PRKDC: variants seen among roughly 807,000 people sequenced by gnomAD.
PRKDC encodes DNA-dependent protein kinase catalytic subunit.
PRKDC carries 82 observed loss-of-function variants against 486.9 expected under a neutral mutation model. The ratio of observed to expected loss-of-function variants is 0.17; its 90% CI spans 0.14 to 0.20. The LOEUF (loss-of-function observed/expected upper bound fraction) is 0.20, where lower values mean the gene tolerates loss of function less well. Among genes scored for constraint, PRKDC ranks in the 10% least tolerant of loss-of-function variants. The probability of loss-of-function intolerance (pLI) is 1.00; values close to 1 mark genes in which losing one functional copy is unlikely to be tolerated. For missense variants in PRKDC, 4,504 were observed against 5,038.2 expected (o/e 0.89, Z 3.21); for synonymous variants, 1,895 against 1,837.0 (o/e 1.03, Z -0.81).
intron 66 of PRKDC, among the ~76,000 whole-genome samples, chr8:47,819,948 GTTA>G (rs932143658): frequency 6.6e-6 from 1 of 152,174 alleles, no homozygotes; most frequent in Non-Finnish European, 1.5e-5. Context: ...TATACTAAAT[GTTA>G]TTAATAAACT....
At chr8:47,948,466 T>G (rs1322116653) in intron 7 of PRKDC, among the ~76,000 whole-genome samples, 2 of 147,378 alleles carry the variant, frequency 1.4e-5, no homozygotes, top group Non-Finnish European at 3.0e-5. Flanking sequence ...CCTTGTTTTT[T>G]TTTTTTTTTT....
At chr8:47,921,542 T>A (rs1293785518) in intron 21 of PRKDC, among the ~76,000 whole-genome samples, 1 of 152,144 alleles carries the variant, frequency 6.6e-6, no homozygotes, top group Non-Finnish European at 1.5e-5. Context: ...TTTTTGCTTT[T>A]ATAGGCCGTT....
At chr8:47,798,446 C>T (rs1344437590) in intron 72 of PRKDC, 49 bp from the exon 73 acceptor site, 3 of 1,492,464 alleles carry the variant, frequency 2.0e-6, no homozygotes, top group Non-Finnish European at 1.8e-6. Flanking sequence ...ATCCCAATAT[C>T]CATAAACTAT....
At position 47,858,523 on chromosome 8, in the gene PRKDC, G is replaced by A. The variant is rs961845104; in HGVS notation, c.6458C>T (p.Thr2153Ile). The A allele has an allele frequency of 2.0e-6, 3 of 1,502,270 alleles. No homozygotes were observed. In the African/African-American group the frequency reaches 4.2e-5, roughly 21 times the overall value. 93.1% of individuals were successfully genotyped at this position (1,502,270 alleles called of 1,614,324 possible). A position where few individuals can be genotyped will look rare whatever the true frequency, so the allele number is the denominator to read the frequency against. ...AAATAATCAATTACTTACCTCTTCT[G>A]TATTAATAACAAGCTTGGCTAAGAA... is the stretch of plus-strand genomic sequence containing the variant. Reference protein sequence around the residue: ...RLFLAKLVINTEEVFRPYAKH... With the variant: ...RLFLAKLVINIEEVFRPYAKH... Residue 2153 changes from threonine (T) to isoleucine (I), a missense_variant, in exon 48 of 86, where the codon ACA becomes ATA. Transcript: ENST00000314191.
rs763816244 is a variant in PRKDC, at chr8:47,893,089, GGT to G, written c.3847+48_3847+49del. ...CTGACCTGGCAGAGCCACTGCCCAGGGTGACTCTGGCAGCACGACACACACCA... is the reference window on the plus strand; with the variant it reads ...CTGACCTGGCAGAGCCACTGCCCAGGGACTCTGGCAGCACGACACACACCA... On this transcript the variant is annotated intron_variant, in intron 31 of 85. Coordinates refer to ENST00000314191, the MANE Select transcript of PRKDC (RefSeq NM_006904.7). 20 of 1,508,930 alleles carry G rather than the reference GGT, an allele frequency of 1.3e-5. No homozygotes were observed. The African/African-American group carries it at 2.8e-4, about 21-fold the overall frequency. The allele number at this position is 1,508,930 out of a possible 1,614,324, so 93.5% of individuals were successfully genotyped here.
intron 73 of PRKDC, among the ~76,000 whole-genome samples, chr8:47,795,411 A>C (rs1200124437): frequency 6.6e-6 from 1 of 150,490 alleles, no homozygotes; most frequent in Non-Finnish European, 1.5e-5. Flanking sequence ...GGATGGTCTC[A>C]ATCTCGTGAC....
At chr8:47,838,392 G>A (rs1335791484) in intron 56 of PRKDC, among the ~76,000 whole-genome samples, 2 of 152,168 alleles carry the variant, frequency 1.3e-5, no homozygotes, top group Non-Finnish European at 2.9e-5. Flanking sequence ...AAGTCAGGAG[G>A]ATTGAGGCCA....
chr8:47,784,899 T>C (rs953870418), intron 77 of PRKDC, among the ~76,000 whole-genome samples: 8 of 152,202 alleles, frequency 5.3e-5, no homozygotes, highest in African/African-American at 1.9e-4. Flanking sequence ...GAATCAGAAA[T>C]ATAAGAACTA....
intron 61 of PRKDC, among the ~76,000 whole-genome samples, 161 bp from the exon 62 acceptor site, chr8:47,828,508 TTTGG>T (rs2087789760): frequency 6.6e-6 from 1 of 152,182 alleles, no homozygotes; most frequent in Admixed American, 6.5e-5. Flanking sequence ...AAGGGGAGCA[TTTGG>T]AATTTAACCA....
chr8:47,867,025 A>T (rs577055607), intron 40 of PRKDC, among the ~76,000 whole-genome samples: 1 of 152,220 alleles, frequency 6.6e-6, no homozygotes, highest in Non-Finnish European at 1.5e-5. Flanking sequence ...GGTGTAAGCC[A>T]CTGCATCTGG....
Position 47,919,589 on chromosome 8 carries a change from TG to T in PRKDC, c.2420-1207del, listed in dbSNP as rs574217017. Among the ~76,000 whole-genome samples the T allele has an allele frequency of 6.2e-4, 94 of 152,330 alleles. 1 individual carries two copies. The East Asian group carries it at 8.1e-3, about 13-fold the overall frequency. ...GGTTTAACTCCAGCAAGTCTTCTCT[TG>T]GTTCCAGAATGAATCCCTGGCAGTG... On this transcript the variant is annotated intron_variant, in intron 21 of 85. Transcript: ENST00000314191.
intron 51 of PRKDC, among the ~76,000 whole-genome samples, chr8:47,853,383 G>C (rs771693402): frequency 2.6e-5 from 4 of 152,230 alleles, no homozygotes; most frequent in African/African-American, 4.8e-5. Context: ...ACGGTGCTGG[G>C]GGGCCAACAC....
Position 47,929,075 on chromosome 8 carries a change from A to T in PRKDC, c.2139+17T>A. Reference sequence around the variant, plus strand: ...AACAGTTCATGATAACACTAAGATAAATCATTTAAAAATTACCTCTTTGCC... The same window carrying T: ...AACAGTTCATGATAACACTAAGATATATCATTTAAAAATTACCTCTTTGCC... On this transcript the variant is annotated intron_variant, in intron 19 of 85. Transcript: ENST00000314191. The T allele has an allele frequency of 1.4e-6, 2 of 1,468,764 alleles. No individual in the cohort carries two copies. Among genetic ancestry groups the T allele is most frequent in the Non-Finnish European group, 1.9e-6 (2 of 1,070,692 alleles). 91.0% of individuals were successfully genotyped at this position (1,468,764 alleles called of 1,614,324 possible). A position where few individuals can be genotyped will look rare whatever the true frequency, so the allele number is the denominator to read the frequency against.
At chr8:47,799,460 GT>G in intron 71 of PRKDC, 70 bp from the exon 72 acceptor site, 1 of 1,376,178 alleles carries the variant, frequency 7.3e-7, no homozygotes, top group Non-Finnish European at 9.5e-7. Flanking sequence ...CTTTCCATTT[GT>G]GACTCATGAC....
chr8:47,838,691 TACTC>T (rs2088079042), intron 56 of PRKDC, among the ~76,000 whole-genome samples: 1 of 152,230 alleles, frequency 6.6e-6, no homozygotes, highest in South Asian at 2.1e-4. Flanking sequence ...ATAACTGACT[TACTC>T]AGGACAGGCA....
In PRKDC at chr8:47,889,332, CAG is replaced by C. The variant is rs2089406587; in HGVS notation, c.4072-112_4072-111del. 7 of 891,628 alleles carry C rather than the reference CAG, an allele frequency of 7.9e-6. No homozygotes were observed. The East Asian group carries it at 1.9e-4, about 24-fold the overall frequency. The allele number at this position is 891,628 out of a possible 1,614,324, so 55.2% of individuals were successfully genotyped here. A position where few individuals can be genotyped will look rare whatever the true frequency, so the allele number is the denominator to read the frequency against. On this transcript the variant is annotated intron_variant, in intron 32 of 85. Transcript: ENST00000314191. ...TCTGCCTGACTAAGGGAGAGGTGGGCAGAGTTTCTCTGTAAAACGGGGGCACA... is the reference window on the plus strand; with the variant it reads ...TCTGCCTGACTAAGGGAGAGGTGGGCAGTTTCTCTGTAAAACGGGGGCACA...
At chr8:47,820,019 CAA>C (rs1002648407) in intron 66 of PRKDC, among the ~76,000 whole-genome samples, 2 of 152,012 alleles carry the variant, frequency 1.3e-5, no homozygotes, top group African/African-American at 4.8e-5. Flanking sequence ...CGCAGAAAAG[CAA>C]AAAGGAAAGA....
chr8:47,826,065 T>C (rs990412825), intron 63 of PRKDC, among the ~76,000 whole-genome samples: 1 of 152,220 alleles, frequency 6.6e-6, no homozygotes, highest in Non-Finnish European at 1.5e-5. Flanking sequence ...ATCTTTTCTC[T>C]TAAAACCTAA....
In PRKDC at chr8:47,783,668, A is replaced by G. The variant is rs181728139; in HGVS notation, c.11175+74T>C. 14 of 1,459,946 alleles carry G rather than the reference A, an allele frequency of 9.6e-6. No individual in the cohort carries two copies. The Admixed American group carries it at 2.2e-4, about 23-fold the overall frequency. 90.4% of individuals were successfully genotyped at this position (1,459,946 alleles called of 1,614,324 possible). A position where few individuals can be genotyped will look rare whatever the true frequency, so the allele number is the denominator to read the frequency against. The stretch of plus-strand genomic sequence containing the variant: ...AACATGGGCCGTTGTCTCATATACT[A>G]AAGGCAAACAGATCATTCTCATCTG... On this transcript the variant is annotated intron_variant, in intron 78 of 85. Coordinates refer to ENST00000314191, the MANE Select transcript of PRKDC (RefSeq NM_006904.7).
Sources: gnomAD v4.1 joint callset for allele counts (sites outside exome capture counted in the v4.1 genomes callset) on GRCh38, gnomAD v4.1.1 for gene constraint, MANE v1.5 for transcripts, NCBI Gene and HGNC (gene_info 2026-07-23, HGNC 2026-07-21) for gene names.